MCM7: variants seen among roughly 807,000 people sequenced by gnomAD.
MCM7 encodes the protein minichromosome maintenance complex component 7.
A neutral mutation model predicts 83.5 loss-of-function variants in MCM7; 95 were observed. The observed-to-expected ratio is 1.14, with a 90% CI of 0.96 to 1.35. The LOEUF is 1.35. Ranked by LOEUF, MCM7 falls within the 40% of genes most tolerant of loss-of-function variation. The pLI is 0.00. For synonymous variants in MCM7, 461 were observed against 352.7 expected (o/e 1.31, Z -3.44); for missense variants, 1,087 against 957.4 (o/e 1.14, Z -1.79).
At chr7:100,094,408 T>A in intron 12 of MCM7, 67 bp from the exon 13 acceptor site, 1 of 1,581,484 alleles carries the variant, frequency 6.3e-7, no homozygotes, top group Non-Finnish European at 8.6e-7. Flanking sequence ...TGAGCCCATG[T>A]TGTTTTCTGT....
Position 100,095,778 on chromosome 7 carries a change from G to A in MCM7, c.1591C>T (p.Leu531=). 6.3e-7 allele frequency: 1 copy of A among 1,575,922 alleles called. No homozygotes were observed. Among genetic ancestry groups the A allele is most frequent in the South Asian group, 1.1e-5 (1 of 88,116 alleles). The change falls in exon 11 of 15, where the codon CTA becomes TTA. Residue 531 remains leucine, a synonymous_variant. Transcript: ENST00000303887. ...TGGGTGTTGAGCTTCATTCACCGTA[G>A]GTCATTGTCTCGGTCGGGCCGGTCC... ...IQDRPDRDND[L]RLAQHITYVH...
At chr7:100,100,777 C>T (rs1034509332) in intron 1 of MCM7, 2 of 992,600 alleles carry the variant, frequency 2.0e-6, no homozygotes, top group Non-Finnish European at 2.4e-6. Flanking sequence ...CTCCTCGCGC[C>T]ACTTCCGCCC....
intron 12 of MCM7, 148 bp downstream of exon 12, chr7:100,095,239 C>G: frequency 1.4e-6 from 1 of 733,516 alleles, no homozygotes; most frequent in East Asian, 2.7e-5. Context: ...GTGGAATTTT[C>G]CACTTAAAAG....
rs963293375 is a variant in MCM7, at chr7:100,100,561, C to A, written c.32-468G>T. The A allele has an allele frequency of 4.0e-6, 4 of 992,020 alleles. No homozygotes were observed. In the South Asian group the frequency reaches 1.7e-4, roughly 43 times the overall value. The allele number at this position is 992,020 out of a possible 1,614,324, so 61.5% of individuals were successfully genotyped here. A position where few individuals can be genotyped will look rare whatever the true frequency, so the allele number is the denominator to read the frequency against. ...AGAAGCACATGGGCCCGGATTCCAG[C>A]CGCTTCACAGCTCGGGATTCCTCCG... On this transcript the variant is annotated intron_variant, in intron 1 of 14. Transcript: ENST00000303887.
At position 100,094,267 on chromosome 7, in the gene MCM7, T is replaced by C. The variant is rs1442398352; in HGVS notation, c.1754A>G (p.Tyr585Cys). The C allele has an allele frequency of 1.9e-6, 3 of 1,614,204 alleles. No individual in the cohort carries two copies. Among genetic ancestry groups the C allele is most frequent in the Non-Finnish European group, 2.5e-6 (3 of 1,180,038 alleles). ...CCAAGCCTCTCGCCTCATCTCCACG[T>C]ATGCTGCTGTGATGTAGTCAGCCAG... ...ESLADYITAAYVEMRREAWAS... is the reference protein window; with the variant it reads ...ESLADYITAACVEMRREAWAS... Residue 585 changes from tyrosine to cysteine, a missense_variant, in exon 13 of 15, where the codon TAC (tyrosine) becomes TGC (cysteine). Physicochemically the swap from Tyr to Cys is radical, Grantham distance 194. Coordinates refer to ENST00000303887, the MANE Select transcript of MCM7 (RefSeq NM_005916.5).
Position 100,098,204 on chromosome 7 carries a change from G to A in MCM7, c.807C>T (p.Asp269=). Residue 269 remains aspartate (D), a synonymous_variant, in exon 7 of 15, where the codon GAC becomes GAT. Transcript: ENST00000303887. ...AGAAAATACCAGTGACGCTGACGTG[G>A]TCTCCAGGCTGGGCAATCCTTGTGT... ...GENTRIAQPG[D]HVSVTGIFLP... 4 of 1,614,114 alleles carry A rather than the reference G, an allele frequency of 2.5e-6. No individual in the cohort carries two copies. The highest frequency in any genetic ancestry group is 3.4e-6 in the Non-Finnish European group (4 of 1,180,014).
Position 100,099,418 on chromosome 7 carries a change from CAAAAAAAA to C in MCM7, c.277-23_277-16del, listed in dbSNP as rs749189763. The C allele has an allele frequency of 2.7e-4, 348 of 1,305,502 alleles. 8 individuals are homozygous for C. The highest frequency in any genetic ancestry group is 2.5e-3 in the Middle Eastern group (9 of 3,626). The allele number at this position is 1,305,502 out of a possible 1,614,324, so 80.9% of individuals were successfully genotyped here. ...TTATTTACCACCTAAAGGAGAAGAACAAAAAAAAAAAAAAAAAAGAGCAACAGGATGGG... is the reference window on the plus strand; with the variant it reads ...TTATTTACCACCTAAAGGAGAAGAACAAAAAAAAAAGAGCAACAGGATGGG... On this transcript the variant is annotated splice_polypyrimidine_tract_variant and intron_variant, in intron 3 of 14. Coordinates refer to ENST00000303887, the MANE Select transcript of MCM7 (RefSeq NM_005916.5).
At chr7:100,100,258 T>A in intron 1 of MCM7, 165 bp from the exon 2 acceptor site, 2 of 1,398,596 alleles carry the variant, frequency 1.4e-6, no homozygotes, top group Non-Finnish European at 1.9e-6. Context: ...CAAGTCTGTT[T>A]CTAACCAGCG....
intron 11 of MCM7, 38 bp downstream of exon 11, chr7:100,095,736 T>C (rs754895444): frequency 1.2e-5 from 18 of 1,536,790 alleles, no homozygotes; most frequent in Non-Finnish European, 1.1e-5. Flanking sequence ...CACAGATCAT[T>C]ACAGGGGACC....
chr7:100,095,761 G>A lies in MCM7; in HGVS notation c.1595+13C>T. ...TACAGGGGACCTCTCTTTGGGTGTT[G>A]AGCTTCATTCACCGTAGGTCATTGT... On this transcript the variant is annotated intron_variant, in intron 11 of 14. Transcript: ENST00000303887. The A allele has an allele frequency of 1.3e-6, 2 of 1,556,680 alleles. No homozygotes were observed. The highest frequency in any genetic ancestry group is 2.3e-5 in the South Asian group (2 of 85,226).
Position 100,096,167 on chromosome 7 carries a change from C to G in MCM7, c.1202G>C (p.Ser401Thr). 1 of 1,560,312 alleles carries G rather than the reference C, an allele frequency of 6.4e-7. No homozygotes were observed. Among genetic ancestry groups the G allele is most frequent in the Non-Finnish European group, 8.7e-7 (1 of 1,154,836 alleles). ...GGAGCCCCGGCCTGTTGTGTACTGG[C>G]CTGGAAGAGAAGAAATAAGGAACCA... ...LSYIDRLAPRSQYTTGRGSSG... is the reference protein window; with the variant it reads ...LSYIDRLAPRTQYTTGRGSSG... The change falls in exon 11 of 15, where the codon AGC (serine) becomes ACC (threonine). Residue 401 changes from serine (S) to threonine (T), a missense_variant and splice_region_variant. Physicochemically the swap from Ser to Thr is moderately conservative, Grantham distance 58. Transcript: ENST00000303887.
chr7:100,101,205 C>G, intron 1 of MCM7, 59 bp downstream of exon 1: 1 of 1,602,820 alleles, frequency 6.2e-7, no homozygotes, highest in Non-Finnish European at 8.5e-7. Context: ...CTCACACCAA[C>G]AGGTGTTCCC....
Position 100,099,732 on chromosome 7 carries a change from G to A in MCM7, c.133C>T (p.Gln45Ter), listed in dbSNP as rs934444258. 4.3e-6 allele frequency: 7 copies of A among 1,614,022 alleles called. No individual in the cohort carries two copies. Among genetic ancestry groups the A allele is most frequent in the Non-Finnish European group, 5.1e-6 (6 of 1,179,994 alleles). ...NQLVRLAHRE[Q>*]VALYVDLDDV... is the part of the protein sequence containing the mutation. ...TCCAGGTCCACATACAGAGCCACCTGTTCCCGATGAGCCAGCCGAACCTCA... is the reference window on the plus strand; with the variant it reads ...TCCAGGTCCACATACAGAGCCACCTATTCCCGATGAGCCAGCCGAACCTCA... Residue 45 changes from glutamine to a stop codon, truncating the protein, a stop_gained, in exon 3 of 15, where the codon CAG (glutamine) becomes TAG (stop). Transcript: ENST00000303887. LOFTEE classifies it high-confidence loss of function.
rs1795695502 is a variant in MCM7 at position 100,097,358 on chromosome 7, C to A, written c.1144G>T (p.Asp382Tyr). The change falls in exon 10 of 15, where the codon GAT (aspartate) becomes TAT (tyrosine). Residue 382 changes from aspartate to tyrosine, a missense_variant. By Grantham distance (160) the Asp-to-Tyr change is radical. Coordinates refer to ENST00000303887, the MANE Select transcript of MCM7 (RefSeq NM_005916.5). Reference sequence around the variant, plus strand: ...AGCTGAGACTTGGCCACACCAGGATCCCCCATCAGACAGATGTTGATGTTG... The same window carrying A: ...AGCTGAGACTTGGCCACACCAGGATACCCCATCAGACAGATGTTGATGTTG... Reference protein sequence around the residue: ...RGNINICLMGDPGVAKSQLLS... With the variant: ...RGNINICLMGYPGVAKSQLLS... 6.2e-7 allele frequency: 1 copy of A among 1,614,030 alleles called. No individual in the cohort carries two copies. The highest frequency in any genetic ancestry group is 1.3e-5 in the African/African-American group (1 of 74,918).
rs752490669 is a variant in MCM7, at chr7:100,093,416, G to T, written c.1849-15C>A. The T allele has an allele frequency of 5.0e-6, 8 of 1,610,410 alleles. No homozygotes were observed. The South Asian group carries it at 8.8e-5, about 18-fold the overall frequency. On this transcript the variant is annotated splice_polypyrimidine_tract_variant and intron_variant, in intron 13 of 14. Transcript: ENST00000303887. Reference sequence around the variant, plus strand: ...CTCAGACGTGCCTAAGGGGAAGGTAGGGGGGAAAGATGGGAACGGGAGGAG... The same window carrying T: ...CTCAGACGTGCCTAAGGGGAAGGTATGGGGGAAAGATGGGAACGGGAGGAG...
chr7:100,097,952 G>A lies in MCM7; in HGVS notation c.871-4C>T. ...GGTAGGTTTCTGAGAGTAAACCCTT[G>A]GGCAGGAAAATGCCAGGATACAGAT... On this transcript the variant is annotated splice_polypyrimidine_tract_variant and splice_region_variant and intron_variant, in intron 7 of 14. Coordinates refer to ENST00000303887, the MANE Select transcript of MCM7 (RefSeq NM_005916.5). 1.9e-6 allele frequency: 3 copies of A among 1,613,434 alleles called. No homozygotes were observed. Among genetic ancestry groups the A allele is most frequent in the East Asian group, 2.2e-5 (1 of 44,878 alleles).
Position 100,098,123 on chromosome 7 carries a change from T to A in MCM7, c.870+18A>T. On this transcript the variant is annotated intron_variant, in intron 7 of 14. Transcript: ENST00000303887. The stretch of plus-strand genomic sequence containing the variant: ...GGAAAAGGGGATGATCCATTCCTCA[T>A]GTCAAACTCTTCCTTACCTGTACCA... 6.2e-7 allele frequency: 1 copy of A among 1,613,436 alleles called. No individual in the cohort carries two copies. The highest frequency in any genetic ancestry group is 8.5e-7 in the Non-Finnish European group (1 of 1,179,548).
At chr7:100,097,468 C>T in intron 9 of MCM7, 84 bp from the exon 10 acceptor site, 1 of 1,574,376 alleles carries the variant, frequency 6.4e-7, no homozygotes, top group Non-Finnish European at 8.7e-7. Context: ...CTGCCTACCC[C>T]TAACACCCAG....
rs1461514073 is a variant in MCM7 at position 100,093,007 on chromosome 7, C to T, written c.2085G>A (p.Gln695=). 6.2e-7 allele frequency: 1 copy of T among 1,614,226 alleles called. No homozygotes were observed. Among genetic ancestry groups the T allele is most frequent in the Non-Finnish European group, 8.5e-7 (1 of 1,180,042 alleles). ...VSRGFTPAQF[Q]AALDEYEELN... The stretch of plus-strand genomic sequence containing the variant: ...GCTCCTCATATTCATCCAGAGCCGC[C>T]TGGAACTGGGCGGGTGTGAAGCCAC... Residue 695 remains glutamine, a synonymous_variant, in exon 15 of 15, where the codon CAG becomes CAA. Coordinates refer to ENST00000303887, the MANE Select transcript of MCM7 (RefSeq NM_005916.5).
Sources: gnomAD v4.1 joint callset for allele counts on GRCh38, gnomAD v4.1.1 for gene constraint, MANE v1.5 for transcripts, NCBI Gene and HGNC (gene_info 2026-07-23, HGNC 2026-07-21) for gene names.